The following PXYLP1 variants were observed in gnomAD, a reference collection of about 807,000 sequenced individuals.
PXYLP1 encodes acid phosphatase-like 2.
PXYLP1 carries 17 observed loss-of-function variants against 37.9 expected under a neutral mutation model. That is an observed-to-expected ratio of 0.45 (90% CI 0.31 to 0.67). The LOEUF (loss-of-function observed/expected upper bound fraction) is 0.67, where lower values mean the gene tolerates loss of function less well. Ranked by LOEUF, PXYLP1 falls within the 30% of genes least tolerant of loss-of-function variation. The probability of loss-of-function intolerance (pLI) is 0.07; values close to 1 mark genes in which losing one functional copy is unlikely to be tolerated. For missense variants in PXYLP1, 511 were observed against 612.0 expected (o/e 0.84, Z 1.74); for synonymous variants, 221 against 232.2 (o/e 0.95, Z 0.44).
At chr3:141,237,870 T>C (rs1041380846) in intron 1 of PXYLP1, among the ~76,000 whole-genome samples, 1 of 152,202 alleles carries the variant, frequency 6.6e-6, no homozygotes, top group Non-Finnish European at 1.5e-5. Flanking sequence ...GCCAGCTCTT[T>C]GAAACAGGCA....
intron 2 of PXYLP1, among the ~76,000 whole-genome samples, chr3:141,276,286 A>G (rs1329689673): frequency 1.3e-5 from 2 of 152,198 alleles, no homozygotes; most frequent in Non-Finnish European, 2.9e-5. Context: ...ACTTTTTCAC[A>G]CCCCATTCCA....
chr3:141,294,803 G>C lies in PXYLP1; in HGVS notation c.*1598G>C, dbSNP rs1218632412. 6.6e-6 allele frequency: 1 copy of C among 152,130 alleles called. No homozygotes were observed. Among genetic ancestry groups the C allele is most frequent in the Non-Finnish European group, 1.5e-5 (1 of 68,022 alleles). The allele number at this position is 152,130 out of a possible 1,614,324, so 9.4% of individuals were successfully genotyped here. A position where few individuals can be genotyped will look rare whatever the true frequency, so the allele number is the denominator to read the frequency against. On this transcript the variant is annotated 3_prime_UTR_variant, in exon 6 of 6. Transcript: ENST00000286353. ...TGCTGAAAGTTGTGTTATCTCTCAAGTATTCAAAGACTAAATGTGTTTTCT... is the reference window on the plus strand; with the variant it reads ...TGCTGAAAGTTGTGTTATCTCTCAACTATTCAAAGACTAAATGTGTTTTCT...
intron 1 of PXYLP1, among the ~76,000 whole-genome samples, chr3:141,238,086 T>A (rs1940702741): frequency 6.6e-6 from 1 of 152,158 alleles, no homozygotes; most frequent in Non-Finnish European, 1.5e-5. Context: ...CCCAGAAACC[T>A]TTGGTACTAT....
chr3:141,273,551 G>C (rs780243593), intron 2 of PXYLP1: 14 of 985,476 alleles, frequency 1.4e-5, no homozygotes, highest in Non-Finnish European at 1.7e-5. Flanking sequence ...GATAGCATCT[G>C]GTTGTTTTAC....
At chr3:141,262,177 T>C (rs1003183308) in intron 2 of PXYLP1, 10 of 612,760 alleles carry the variant, frequency 1.6e-5, no homozygotes, top group African/African-American at 6.0e-5. Context: ...TATTTCCATG[T>C]ACATGCATAT....
chr3:141,261,136 CCCTT>C (rs905792812), intron 2 of PXYLP1, among the ~76,000 whole-genome samples: 6 of 152,184 alleles, frequency 3.9e-5, no homozygotes, highest in Admixed American at 6.5e-5. Flanking sequence ...CTCCCTCCTT[CCCTT>C]CCTTCCTTCC....
Position 141,292,464 on chromosome 3 carries a change from C to G in PXYLP1, c.702C>G (p.His234Gln). 6.2e-7 allele frequency: 1 copy of G among 1,614,234 alleles called. No individual in the cohort carries two copies. Among genetic ancestry groups the G allele is most frequent in the Non-Finnish European group, 8.5e-7 (1 of 1,180,040 alleles). ...DFDWKKIYFR[H>Q]QPSALFCSGS... is the part of the protein sequence containing the mutation. ...ACTGGAAGAAGATTTATTTCAGGCA[C>G]CAGCCAAGTGCGCTGTTCTGCTCTG... Residue 234 changes from histidine (H) to glutamine (Q), a missense_variant, in exon 6 of 6, where the codon CAC (histidine) becomes CAG (glutamine). Coordinates refer to ENST00000286353, the MANE Select transcript of PXYLP1 (RefSeq NM_001037172.3). The surrounding 1 kb of genome is among the most constrained non-coding windows in gnomAD (Gnocchi z 4.3).
chr3:141,270,527 A>C (rs1576594965), intron 2 of PXYLP1, among the ~76,000 whole-genome samples: 1 of 152,356 alleles, frequency 6.6e-6, no homozygotes, highest in East Asian at 1.9e-4. Context: ...CACTAAGGGA[A>C]TTGTGGGAAC....
At chr3:141,265,640 T>C (rs1941489742) in intron 2 of PXYLP1, among the ~76,000 whole-genome samples, 1 of 152,108 alleles carries the variant, frequency 6.6e-6, no homozygotes, top group Non-Finnish European at 1.5e-5. Flanking sequence ...TTGGGTGGTG[T>C]CGTGGGGCTA....
At chr3:141,270,117 C>A (rs1268057689) in intron 2 of PXYLP1, among the ~76,000 whole-genome samples, 1 of 152,252 alleles carries the variant, frequency 6.6e-6, no homozygotes, top group African/African-American at 2.4e-5. Flanking sequence ...TCTCCGGCTC[C>A]CTGAATGCTA....
chr3:141,241,058 C>A (rs1940786239), intron 1 of PXYLP1, among the ~76,000 whole-genome samples: 1 of 152,196 alleles, frequency 6.6e-6, no homozygotes, highest in African/African-American at 2.4e-5. Context: ...CAAAGCTTCT[C>A]TTCCTCTCCA....
intron 2 of PXYLP1, among the ~76,000 whole-genome samples, chr3:141,264,350 C>T (rs947299186): frequency 1.3e-5 from 2 of 152,110 alleles, no homozygotes; most frequent in Non-Finnish European, 2.9e-5. Context: ...GTGTGTTCTC[C>T]GTCACTGGAG....
intron 1 of PXYLP1, among the ~76,000 whole-genome samples, chr3:141,249,518 AAGCC>A (rs1443824408): frequency 7.4e-6 from 1 of 134,974 alleles, no homozygotes; most frequent in Non-Finnish European, 1.5e-5. Context: ...TTTATCATTC[AAGCC>A]TTGATATTAT....
intron 3 of PXYLP1, among the ~76,000 whole-genome samples, chr3:141,279,104 G>A (rs906004686): frequency 9.2e-5 from 14 of 152,124 alleles, no homozygotes; most frequent in South Asian, 6.2e-4. Context: ...AGTCATGCCC[G>A]CATTTCACCA....
intron 2 of PXYLP1, among the ~76,000 whole-genome samples, chr3:141,261,740 CA>C (rs1252896232): frequency 2.0e-5 from 3 of 149,136 alleles, no homozygotes; most frequent in Admixed American, 6.8e-5. Flanking sequence ...CTCTGTATCC[CA>C]GGAACCAGCA....
At chr3:141,242,656 C>T (rs1940837976) in intron 1 of PXYLP1, among the ~76,000 whole-genome samples, 1 of 152,202 alleles carries the variant, frequency 6.6e-6, no homozygotes, top group African/African-American at 2.4e-5. Context: ...TTGCTTCAAG[C>T]TGGGTTAATC....
intron 1 of PXYLP1, among the ~76,000 whole-genome samples, chr3:141,249,649 A>G (rs1296417172): frequency 2.0e-5 from 3 of 152,124 alleles, no homozygotes; most frequent in Non-Finnish European, 2.9e-5. Flanking sequence ...AAAAACAGCT[A>G]TATTTTTAAA....
At chr3:141,239,342 A>G (rs1373569820) in intron 1 of PXYLP1, among the ~76,000 whole-genome samples, 3 of 152,184 alleles carry the variant, frequency 2.0e-5, no homozygotes, top group East Asian at 3.8e-4. Flanking sequence ...GTCGAAGGTC[A>G]TGGCATGGAT....
intron 1 of PXYLP1, among the ~76,000 whole-genome samples, chr3:141,255,593 G>A (rs919599935): frequency 3.9e-5 from 6 of 152,206 alleles, no homozygotes; most frequent in African/African-American, 1.2e-4. Flanking sequence ...TGGGGGTCCC[G>A]CTCTGGGCTC....
Sources: gnomAD v4.1 joint callset for allele counts (sites outside exome capture counted in the v4.1 genomes callset) on GRCh38, gnomAD v4.1.1 for gene constraint, Gnocchi (gnomAD v3.1) non-coding constraint, MANE v1.5 for transcripts, NCBI Gene and HGNC (gene_info 2026-07-23, HGNC 2026-07-21) for gene names.